The following TMEFF2 variants were observed in gnomAD, a reference collection of about 807,000 sequenced individuals.
TMEFF2 encodes tomoregulin-2.
A neutral mutation model predicts 53.8 loss-of-function variants in TMEFF2; 28 were observed. That is an observed-to-expected ratio of 0.52 (90% CI 0.39 to 0.71). The LOEUF (loss-of-function observed/expected upper bound fraction) is 0.71, where lower values mean the gene tolerates loss of function less well. Among genes scored for constraint, TMEFF2 ranks in the 30% least tolerant of loss-of-function variants. The pLI is 0.00. For missense variants in TMEFF2, 353 were observed against 455.2 expected (o/e 0.78, Z 2.04); for synonymous variants, 162 against 166.3 (o/e 0.97, Z 0.20).
intron 7 of TMEFF2, among the ~76,000 whole-genome samples, chr2:191,980,200 T>C (rs1046087837): frequency 1.3e-5 from 2 of 152,118 alleles, no homozygotes; most frequent in African/African-American, 4.8e-5. Context: ...AATACATAAA[T>C]AAATCTGCTC....
At chr2:192,142,728 C>T (rs984741411) in intron 4 of TMEFF2, among the ~76,000 whole-genome samples, 7 of 152,244 alleles carry the variant, frequency 4.6e-5, no homozygotes, top group Non-Finnish European at 7.4e-5. Context: ...ACTATACCTA[C>T]AGATTGAAGA....
At chr2:192,118,244 T>C (rs1156644318) in intron 4 of TMEFF2, among the ~76,000 whole-genome samples, 6 of 152,128 alleles carry the variant, frequency 3.9e-5, no homozygotes, top group Non-Finnish European at 7.4e-5. Flanking sequence ...TGGTAACAGA[T>C]GGATATGCCA....
intron 7 of TMEFF2, among the ~76,000 whole-genome samples, chr2:191,972,238 G>A (rs1184819604): frequency 5.3e-5 from 8 of 150,412 alleles, no homozygotes; most frequent in South Asian, 2.1e-4. Flanking sequence ...TCCGCCTCCC[G>A]GATTCAAGTG....
intron 5 of TMEFF2, among the ~76,000 whole-genome samples, chr2:192,000,399 A>T (rs1686327157): frequency 6.6e-6 from 1 of 152,178 alleles, no homozygotes; most frequent in African/African-American, 2.4e-5. Context: ...ATAAGGTTAG[A>T]CACTAGTAAA....
intron 4 of TMEFF2, among the ~76,000 whole-genome samples, chr2:192,168,843 A>C (rs1003404269): frequency 1.3e-5 from 2 of 151,922 alleles, no homozygotes; most frequent in African/African-American, 4.8e-5. Flanking sequence ...TTTTTGTTTA[A>C]ATTTTTGGTT....
At chr2:192,125,180 T>C (rs983837732) in intron 4 of TMEFF2, among the ~76,000 whole-genome samples, 1 of 152,210 alleles carries the variant, frequency 6.6e-6, no homozygotes, top group Admixed American at 6.5e-5. Context: ...TGGAATCCAG[T>C]GTGTCCCAAA....
chr2:192,083,293 C>G (rs1688595394), intron 4 of TMEFF2, among the ~76,000 whole-genome samples: 1 of 152,122 alleles, frequency 6.6e-6, no homozygotes, highest in South Asian at 2.1e-4. Context: ...CCCCAGTTCT[C>G]TCCATCAGGT....
chr2:192,026,912 G>T (rs1268450585), intron 5 of TMEFF2, among the ~76,000 whole-genome samples: 2 of 152,200 alleles, frequency 1.3e-5, no homozygotes, highest in Non-Finnish European at 2.9e-5. Context: ...CTGACCACAT[G>T]TGCAAGCCAT....
At chr2:191,971,640 T>C (rs1387644206) in intron 7 of TMEFF2, among the ~76,000 whole-genome samples, 2 of 152,190 alleles carry the variant, frequency 1.3e-5, no homozygotes, top group East Asian at 3.8e-4. Context: ...TTACTAGAGC[T>C]TGATCCTACT....
chr2:192,026,638 A>C (rs1008510334), intron 5 of TMEFF2, among the ~76,000 whole-genome samples: 2 of 152,194 alleles, frequency 1.3e-5, no homozygotes, highest in Non-Finnish European at 2.9e-5. Context: ...TCTTGAGTGC[A>C]TAAACAAGAC....
At chr2:192,062,032 G>A (rs1018842354) in intron 4 of TMEFF2, among the ~76,000 whole-genome samples, 1 of 151,918 alleles carries the variant, frequency 6.6e-6, no homozygotes, top group Non-Finnish European at 1.5e-5. Flanking sequence ...CCAGCCTTAG[G>A]TATTCCTTTA....
intron 7 of TMEFF2, among the ~76,000 whole-genome samples, chr2:191,987,398 T>G (rs908109265): frequency 1.0e-5 from 1 of 97,816 alleles, no homozygotes; most frequent in Non-Finnish European, 2.1e-5. Context: ...CATCATAATC[T>G]TACTTTCTTT....
At chr2:191,983,662 AGTAAACCTG>A (rs1685909079) in intron 7 of TMEFF2, among the ~76,000 whole-genome samples, 1 of 152,226 alleles carries the variant, frequency 6.6e-6, no homozygotes, top group African/African-American at 2.4e-5. Context: ...TACAGAGCCC[AGTAAACCTG>A]GGCTCTGACA....
chr2:192,190,889 A>C (rs11419746), intron 2 of TMEFF2, among the ~76,000 whole-genome samples: 2 of 152,096 alleles, frequency 1.3e-5, no homozygotes, highest in South Asian at 4.1e-4. Flanking sequence ...GTTCTATATC[A>C]TTTTTATTCT....
chr2:192,042,432 T>G (rs971524462), intron 5 of TMEFF2, among the ~76,000 whole-genome samples: 5 of 152,164 alleles, frequency 3.3e-5, no homozygotes, highest in Non-Finnish European at 7.3e-5. Context: ...GAGGTATGCC[T>G]GTACTGAACT....
At chr2:192,074,580 G>A (rs2105918761) in intron 4 of TMEFF2, among the ~76,000 whole-genome samples, 1 of 151,892 alleles carries the variant, frequency 6.6e-6, no homozygotes. Context: ...TTCCAACACG[G>A]AAGCTAGTAG....
intron 4 of TMEFF2, among the ~76,000 whole-genome samples, chr2:192,168,605 T>C (rs997835426): frequency 1.8e-4 from 28 of 152,130 alleles, no homozygotes; most frequent in African/African-American, 6.0e-4. Flanking sequence ...AGGCTAAGCT[T>C]GCAAACCATT....
At chr2:192,093,618 G>A (rs141942158) in intron 4 of TMEFF2, among the ~76,000 whole-genome samples, 82 of 152,202 alleles carry the variant, frequency 5.4e-4, no homozygotes, top group African/African-American at 1.8e-3. Context: ...TGAAGTTGCT[G>A]AATGAGAACC....
At chr2:192,188,540 C>A (rs1341786649) in intron 2 of TMEFF2, among the ~76,000 whole-genome samples, 1 of 152,198 alleles carries the variant, frequency 6.6e-6, no homozygotes, top group Non-Finnish European at 1.5e-5. Context: ...ATGGCAGATT[C>A]ATCAACAAAA....
Sources: allele counts gnomAD v4.1 joint callset (sites outside exome capture counted in the v4.1 genomes callset), GRCh38; gene constraint gnomAD v4.1.1; transcripts MANE v1.5; gene names NCBI Gene and HGNC (gene_info 2026-07-23, HGNC 2026-07-21).